Variants in RAD50 observed in about 807,000 individuals in gnomAD.
RAD50 encodes RAD50 double strand break repair protein, also known as DNA repair protein RAD50.
In RAD50, 132 loss-of-function variants were observed where a neutral mutation model predicts 168.8. The observed-to-expected ratio is 0.78, with a 90% CI of 0.68 to 0.90. The LOEUF (loss-of-function observed/expected upper bound fraction) is 0.90, where lower values mean the gene tolerates loss of function less well. Ranked by LOEUF, RAD50 falls within the 40% of genes least tolerant of loss-of-function variation. The pLI is 0.00. For missense variants in RAD50, 1,347 were observed against 1,534.4 expected (o/e 0.88, Z 2.04); for synonymous variants, 525 against 497.4 (o/e 1.06, Z -0.74).
intron 13 of RAD50, chr5:132,600,137 A>T (rs1267125844): frequency 6.6e-6 from 1 of 152,244 alleles, no homozygotes; most frequent in Non-Finnish European, 1.5e-5. Context: ...ACTGGAGTGC[A>T]GGTAATACAG....
intron 11 of RAD50, among the ~76,000 whole-genome samples, chr5:132,593,952 G>A (rs1202539787): frequency 6.6e-6 from 1 of 152,184 alleles, no homozygotes; most frequent in Non-Finnish European, 1.5e-5. Flanking sequence ...TAGTCTTCAA[G>A]GAGAAGGTCA....
At position 132,588,897 on chromosome 5, in the gene RAD50, A is replaced by G; in HGVS notation, c.1245+17A>G. On this transcript the variant is annotated intron_variant, in intron 8 of 24. Transcript: ENST00000378823. ...CAACTGATGGCAAGTATTTTGAAAT[A>G]CAGTATTTGTTATTTTGTTTGCATC... The G allele has an allele frequency of 6.3e-7, 1 of 1,596,920 alleles. No homozygotes were observed. The highest frequency in any genetic ancestry group is 8.6e-7 in the Non-Finnish European group (1 of 1,165,614).
chr5:132,568,153 C>G (rs1750240991), intron 2 of RAD50, among the ~76,000 whole-genome samples: 1 of 152,060 alleles, frequency 6.6e-6, no homozygotes, highest in African/African-American at 2.4e-5. Context: ...TCACTGCAAC[C>G]TGTGCCTCCC....
intron 8 of RAD50, 116 bp downstream of exon 8, chr5:132,588,996 A>G (rs569820982): frequency 1.8e-6 from 2 of 1,116,702 alleles, no homozygotes; most frequent in South Asian, 1.4e-5. Context: ...GTGTTAGGAT[A>G]AAATCTGCTA....
chr5:132,608,760 T>C, intron 17 of RAD50, 35 bp downstream of exon 17: 2 of 1,550,374 alleles, frequency 1.3e-6, no homozygotes, highest in South Asian at 1.2e-5. Context: ...TTATCAAATA[T>C]CTGTATTAAA....
At chr5:132,578,928 C>T (rs1173050559) in intron 3 of RAD50, among the ~76,000 whole-genome samples, 1 of 152,140 alleles carries the variant, frequency 6.6e-6, no homozygotes, top group Non-Finnish European at 1.5e-5. Context: ...AAGAAAGAAC[C>T]CCATTCTAAG....
chr5:132,576,092 G>T (rs1195994260), intron 3 of RAD50, among the ~76,000 whole-genome samples, 164 bp downstream of exon 3: 2 of 151,886 alleles, frequency 1.3e-5, no homozygotes, highest in African/African-American at 4.8e-5. Context: ...AGCAAAATTG[G>T]GCAGAAAGTA....
chr5:132,624,938 AAAAAT>A (rs1751346477), intron 21 of RAD50, among the ~76,000 whole-genome samples: 1 of 151,914 alleles, frequency 6.6e-6, no homozygotes, highest in Non-Finnish European at 1.5e-5. Flanking sequence ...GTTGTGATGG[AAAAAT>A]AAAAATGGAT....
intron 21 of RAD50, among the ~76,000 whole-genome samples, chr5:132,623,388 A>G (rs1751316996): frequency 6.6e-6 from 1 of 152,340 alleles, no homozygotes; most frequent in South Asian, 2.1e-4. Context: ...AGGCTGAGGC[A>G]GGAGAATCGC....
chr5:132,575,859 C>A lies in RAD50; in HGVS notation c.296C>A (p.Ser99Tyr), dbSNP rs1372122953. ...GGAGAACTTATAGCTGTGCAAAGATCTATGGTGTGTACTCAGAAAAGCAAA... is the reference window on the plus strand; with the variant it reads ...GGAGAACTTATAGCTGTGCAAAGATATATGGTGTGTACTCAGAAAAGCAAA... Reference protein sequence around the residue: ...VNGELIAVQRSMVCTQKSKKT... With the variant: ...VNGELIAVQRYMVCTQKSKKT... The change falls in exon 3 of 25, where the codon TCT (serine) becomes TAT (tyrosine). Residue 99 changes from serine to tyrosine, a missense_variant. By Grantham distance (144) the Ser-to-Tyr change is moderately radical (BLOSUM62 -2). This residue lies in a region of RAD50 where 703 missense variants were observed against 767.7 expected (regional missense o/e 0.92). Coordinates refer to ENST00000378823, the MANE Select transcript of RAD50 (RefSeq NM_005732.4). 6.2e-7 allele frequency: 1 copy of A among 1,607,482 alleles called. No individual in the cohort carries two copies. The highest frequency in any genetic ancestry group is 1.3e-5 in the African/African-American group (1 of 74,750).
intron 2 of RAD50, among the ~76,000 whole-genome samples, chr5:132,560,515 G>T (rs1397758231): frequency 6.6e-6 from 1 of 152,062 alleles, no homozygotes; most frequent in African/African-American, 2.4e-5. Context: ...TTCCTTAATT[G>T]ATGATCTTGC....
chr5:132,560,909 C>T (rs1487766403), intron 2 of RAD50, among the ~76,000 whole-genome samples: 3 of 152,164 alleles, frequency 2.0e-5, no homozygotes, highest in African/African-American at 7.2e-5. Flanking sequence ...TTTGTATGTC[C>T]TCATTGTCTT....
At chr5:132,572,081 A>G (rs1308827647) in intron 2 of RAD50, among the ~76,000 whole-genome samples, 2 of 152,238 alleles carry the variant, frequency 1.3e-5, no homozygotes, top group African/African-American at 2.4e-5. Flanking sequence ...TAGAAAAAGA[A>G]AAAAACAATC....
At chr5:132,574,496 T>G (rs1750360641) in intron 2 of RAD50, among the ~76,000 whole-genome samples, 1 of 152,238 alleles carries the variant, frequency 6.6e-6, no homozygotes, top group Non-Finnish European at 1.5e-5. Context: ...TGGGAGGGGC[T>G]GTCACAAAGG....
chr5:132,609,005 G>C, intron 17 of RAD50, 112 bp from the exon 18 acceptor site: 1 of 1,450,248 alleles, frequency 6.9e-7, no homozygotes, highest in East Asian at 2.4e-5. Context: ...ATTCAGTAGT[G>C]GTGGAAACTG....
At chr5:132,603,703 G>C (rs1750928984) in intron 14 of RAD50, among the ~76,000 whole-genome samples, 1 of 152,108 alleles carries the variant, frequency 6.6e-6, no homozygotes, top group South Asian at 2.1e-4. Flanking sequence ...AGACAGTTCT[G>C]TTTGTTTTTC....
chr5:132,609,901 G>A (rs1443516181), intron 19 of RAD50, among the ~76,000 whole-genome samples: 1 of 149,998 alleles, frequency 6.7e-6, no homozygotes, highest in Non-Finnish European at 1.5e-5. Context: ...AGGCATAAAA[G>A]TGTTCCTCCC....
intron 13 of RAD50, 139 bp from the exon 14 acceptor site, chr5:132,603,161 C>T: frequency 1.3e-6 from 1 of 782,764 alleles, no homozygotes; most frequent in Admixed American, 2.7e-5. Flanking sequence ...ATATTGATAT[C>T]ATGATTCCAT....
Position 132,609,403 on chromosome 5 carries a change from C to T in RAD50, c.3036+7C>T, listed in dbSNP as rs1554099400. 1.9e-6 allele frequency: 3 copies of T among 1,613,304 alleles called. No individual in the cohort carries two copies. The highest frequency in any genetic ancestry group is 2.5e-6 in the Non-Finnish European group (3 of 1,179,640). On this transcript the variant is annotated splice_region_variant and intron_variant, in intron 19 of 24. Coordinates refer to ENST00000378823, the MANE Select transcript of RAD50 (RefSeq NM_005732.4). Reference sequence around the variant, plus strand: ...AGATATTGATACACAGAAGGTAGGTCTGTTTTGCTTATGATATCACTTACA... The same window carrying T: ...AGATATTGATACACAGAAGGTAGGTTTGTTTTGCTTATGATATCACTTACA...
Sources: allele counts gnomAD v4.1 joint callset (sites outside exome capture counted in the v4.1 genomes callset), GRCh38; gene constraint gnomAD v4.1.1; regional missense constraint gnomAD v4.1.1; transcripts MANE v1.5; gene names NCBI Gene and HGNC (gene_info 2026-07-23, HGNC 2026-07-21).